Variants in MKLN1 observed in about 807,000 individuals in gnomAD.
The protein encoded by MKLN1 is muskelin.
Under a neutral mutation model 99.0 loss-of-function variants are expected in MKLN1, and 18 were observed. The observed-to-expected ratio is 0.18, with a 90% confidence interval of 0.13 to 0.27. The LOEUF (loss-of-function observed/expected upper bound fraction) is 0.27, where lower values mean the gene tolerates loss of function less well. MKLN1 is among the 10% of genes least tolerant of loss of function. The pLI is 1.00. For missense variants in MKLN1, 621 were observed against 875.9 expected, an observed-to-expected ratio of 0.71 and a Z score of 3.67; for synonymous variants, 288 against 293.2, an observed-to-expected ratio of 0.98 and a Z score of 0.18.
chr7:131,212,650 G>A (rs529005823), intron 3 of MKLN1, among the ~76,000 whole-genome samples: 3 of 152,274 alleles, frequency 2.0e-5, no homozygotes, highest in Admixed American at 6.5e-5. Context: ...TTAGCTGGGC[G>A]CAGTGGCTCA....
At chr7:131,215,412 A>C (rs1257837965) in intron 3 of MKLN1, among the ~76,000 whole-genome samples, 10 of 152,120 alleles carry the variant, frequency 6.6e-5, no homozygotes, top group Non-Finnish European at 1.2e-4. Context: ...ATGGCACCAC[A>C]ATAACTCACT....
intron 12 of MKLN1, among the ~76,000 whole-genome samples, chr7:131,459,038 C>T (rs898473314): frequency 1.1e-4 from 17 of 152,008 alleles, no homozygotes; most frequent in Non-Finnish European, 1.8e-4. Context: ...AAGAAATGAC[C>T]CAAAGATACG....
Position 131,113,981 on chromosome 7 carries a change from A to T in MKLN1, c.-419+3774A>T, listed in dbSNP as rs572064454. 2.0e-5 allele frequency among the ~76,000 whole-genome samples: 3 copies of T among 152,228 alleles called. No homozygotes were observed. In the South Asian group the frequency reaches 6.2e-4, roughly 32 times the overall value. On this transcript the variant is annotated intron_variant, in intron 1 of 7. Coordinates refer to the MKLN1 transcript ENST00000416992. ...CCCCATGATCCAGTCACCTCCCACC[A>T]GGTCCCTCCCTCAGCACGTGGGGCT...
intron 2 of MKLN1, among the ~76,000 whole-genome samples, chr7:131,148,461 A>C (rs903067875): frequency 1.3e-5 from 2 of 152,218 alleles, no homozygotes; most frequent in Non-Finnish European, 2.9e-5. Flanking sequence ...TTCTCTCCAT[A>C]ATAAAAATTA....
At chr7:131,129,214 T>C (rs914583772) in intron 1 of MKLN1, among the ~76,000 whole-genome samples, 2 of 152,188 alleles carry the variant, frequency 1.3e-5, no homozygotes, top group African/African-American at 4.8e-5. Context: ...AATGATATCT[T>C]ACATGGATAA....
At chr7:131,334,697 T>C (rs1376805314) in intron 1 of MKLN1, among the ~76,000 whole-genome samples, 2 of 152,248 alleles carry the variant, frequency 1.3e-5, no homozygotes, top group African/African-American at 4.8e-5. Context: ...GACTTTGTGA[T>C]GTTTTACGTG....
At chr7:131,322,283 T>C (rs1798793516) in intron 3 of MKLN1, among the ~76,000 whole-genome samples, 1 of 152,244 alleles carries the variant, frequency 6.6e-6, no homozygotes, top group East Asian at 1.9e-4. Flanking sequence ...GCTAATTCCC[T>C]GAATGTTAGC....
At chr7:131,191,878 T>TA (rs201814411) in intron 2 of MKLN1, among the ~76,000 whole-genome samples, 4 of 148,356 alleles carry the variant, frequency 2.7e-5, no homozygotes, top group African/African-American at 7.4e-5. Flanking sequence ...CATGCCTGAC[T>TA]ATTTTTTTTT....
intron 12 of MKLN1, among the ~76,000 whole-genome samples, chr7:131,458,948 C>G (rs1796429860): frequency 6.6e-6 from 1 of 151,994 alleles, no homozygotes; most frequent in African/African-American, 2.4e-5. Context: ...TTTGACACTC[C>G]TATAATAAAA....
At chr7:131,185,017 T>C (rs1429263058) in intron 2 of MKLN1, among the ~76,000 whole-genome samples, 1 of 152,162 alleles carries the variant, frequency 6.6e-6, no homozygotes, top group Non-Finnish European at 1.5e-5. Flanking sequence ...GCAGAAACCC[T>C]GCTGGAGTTG....
At chr7:131,403,417 C>T (rs956242998) in intron 6 of MKLN1, among the ~76,000 whole-genome samples, 1 of 152,164 alleles carries the variant, frequency 6.6e-6, no homozygotes, top group African/African-American at 2.4e-5. Context: ...CTCTAACTTT[C>T]TCCATATTAA....
At chr7:131,429,806 T>G (rs1795471332) in intron 9 of MKLN1, among the ~76,000 whole-genome samples, 7 of 152,312 alleles carry the variant, frequency 4.6e-5, no homozygotes, top group Admixed American at 2.6e-4. Context: ...GGTCTCGATC[T>G]CCTGACCTCG....
chr7:131,214,685 G>A (rs1796953665), intron 3 of MKLN1, among the ~76,000 whole-genome samples: 1 of 152,142 alleles, frequency 6.6e-6, no homozygotes, highest in Non-Finnish European at 1.5e-5. Flanking sequence ...TCCACCAAAT[G>A]CATGTAATTT....
intron 2 of MKLN1, among the ~76,000 whole-genome samples, chr7:131,147,263 T>G (rs937233917): frequency 6.7e-6 from 1 of 149,730 alleles, no homozygotes; most frequent in African/African-American, 2.5e-5. Flanking sequence ...GGTTTCACCA[T>G]GTCATGCTAG....
intron 2 of MKLN1, among the ~76,000 whole-genome samples, chr7:131,377,812 A>G (rs1010151827): frequency 5.9e-5 from 9 of 152,194 alleles, no homozygotes; most frequent in African/African-American, 7.2e-5. Context: ...CCTCTTGATG[A>G]GCGACGGGTA....
chr7:131,442,906 A>G (rs80071317), intron 10 of MKLN1, among the ~76,000 whole-genome samples: 6,016 of 152,342 alleles, frequency 0.039, 168 homozygotes, highest in Middle Eastern at 0.11. Context: ...AAATAGTGCT[A>G]TGTTAAAAGT....
rs1267800534 is a variant in MKLN1, at chr7:131,380,810, T to A, written c.168+5317T>A. 2.0e-5 allele frequency among the ~76,000 whole-genome samples: 3 copies of A among 152,318 alleles called. No homozygotes were observed. In the South Asian group the frequency reaches 6.2e-4, roughly 32 times the overall value. Reference sequence around the variant, plus strand: ...CGGTAATTGCAAGGATTAGGATACATGTAGTAGCTACTTTGCTGCCCTTAA... The same window carrying A: ...CGGTAATTGCAAGGATTAGGATACAAGTAGTAGCTACTTTGCTGCCCTTAA... On this transcript the variant is annotated intron_variant, in intron 2 of 17. Coordinates refer to ENST00000352689, the MANE Select transcript of MKLN1 (RefSeq NM_013255.5).
At chr7:131,343,721 T>G (rs757161419) in intron 1 of MKLN1, among the ~76,000 whole-genome samples, 1 of 152,186 alleles carries the variant, frequency 6.6e-6, no homozygotes, top group Non-Finnish European at 1.5e-5. Flanking sequence ...TTTACTCTTT[T>G]GAGGAAATGA....
intron 1 of MKLN1, among the ~76,000 whole-genome samples, chr7:131,122,330 T>C (rs952462772): frequency 6.6e-6 from 1 of 152,366 alleles, no homozygotes; most frequent in Non-Finnish European, 1.5e-5. Context: ...AGGTTCTTTC[T>C]GCTCCCTGTG....
Sources: gnomAD v4.1 joint callset for allele counts (sites outside exome capture counted in the v4.1 genomes callset) on GRCh38, gnomAD v4.1.1 for gene constraint, MANE v1.5 for transcripts, NCBI Gene and HGNC (gene_info 2026-07-23, HGNC 2026-07-21) for gene names.